Variants in AKAP12 observed in about 807,000 individuals in gnomAD.
The protein encoded by AKAP12 is A-kinase anchor protein 12.
A neutral mutation model predicts 79.9 loss-of-function variants in AKAP12; 32 were observed. The observed-to-expected ratio is 0.40, with a 90% CI of 0.30 to 0.54. The LOEUF is 0.54. Ranked by LOEUF, AKAP12 falls within the 20% of genes least tolerant of loss-of-function variation. The pLI, the probability that AKAP12 is intolerant of heterozygous loss-of-function variation, is 0.48. For missense variants in AKAP12, 2,074 were observed against 2,177.0 expected (o/e 0.95, Z 0.94); for synonymous variants, 808 against 857.0 (o/e 0.94, Z 1.00).
intron 2 of AKAP12, among the ~76,000 whole-genome samples, chr6:151,264,500 G>A (rs7768925): frequency 6.0e-5 from 9 of 150,740 alleles, no homozygotes; most frequent in Non-Finnish European, 1.0e-4. Context: ...GAGAAACCCC[G>A]TCTCTACTAA....
At chr6:151,268,553 CT>C (rs1312069975) in intron 2 of AKAP12, among the ~76,000 whole-genome samples, 3 of 152,196 alleles carry the variant, frequency 2.0e-5, no homozygotes, top group East Asian at 3.8e-4. Flanking sequence ...GAAGATAAGA[CT>C]TCTAACCAAA....
chr6:151,317,688 A>G (rs1777267036), intron 3 of AKAP12, among the ~76,000 whole-genome samples: 1 of 152,234 alleles, frequency 6.6e-6, no homozygotes, highest in African/African-American at 2.4e-5. Flanking sequence ...GACTGCTGGT[A>G]TAAGGGAATC....
chr6:151,276,674 G>A (rs1157755895), intron 2 of AKAP12, among the ~76,000 whole-genome samples: 1 of 152,236 alleles, frequency 6.6e-6, no homozygotes, highest in Non-Finnish European at 1.5e-5. Context: ...GTGGCTCCAG[G>A]AGCACAAAAC....
At chr6:151,276,705 A>G (rs1776296656) in intron 2 of AKAP12, among the ~76,000 whole-genome samples, 1 of 152,244 alleles carries the variant, frequency 6.6e-6, no homozygotes, top group East Asian at 1.9e-4. Context: ...CCAAGACTTG[A>G]AGAAACTTAT....
intron 3 of AKAP12, among the ~76,000 whole-genome samples, chr6:151,339,720 A>G (rs537985752): frequency 6.6e-6 from 1 of 152,136 alleles, no homozygotes; most frequent in Admixed American, 6.5e-5. Context: ...TGCCATAAAA[A>G]TCATCTGTGC....
At chr6:151,327,000 A>ATTT (rs1777546268) in intron 3 of AKAP12, among the ~76,000 whole-genome samples, 1 of 152,034 alleles carries the variant, frequency 6.6e-6, no homozygotes, top group Admixed American at 6.6e-5. Context: ...TATTTTTAGT[A>ATTT]GAGCCGGGGT....
chr6:151,298,363 G>A (rs2114745875), intron 2 of AKAP12, among the ~76,000 whole-genome samples: 1 of 152,228 alleles, frequency 6.6e-6, no homozygotes, highest in Admixed American at 6.5e-5. Context: ...CGCAGGCATG[G>A]AACAAGTAAT....
chr6:151,250,414 G>A (rs1318778284), intron 2 of AKAP12, among the ~76,000 whole-genome samples: 1 of 151,584 alleles, frequency 6.6e-6, no homozygotes, highest in Non-Finnish European at 1.5e-5. Context: ...CAGGAGAATC[G>A]CTTGAACACG....
chr6:151,319,371 G>A (rs1168432590), intron 3 of AKAP12, among the ~76,000 whole-genome samples: 1 of 151,344 alleles, frequency 6.6e-6, no homozygotes, highest in East Asian at 2.0e-4. Context: ...TTTAGATTCA[G>A]GGTGTGTATA....
intron 2 of AKAP12, among the ~76,000 whole-genome samples, chr6:151,302,691 AATTGAGGT>A (rs1445146985): frequency 6.6e-6 from 1 of 152,148 alleles, no homozygotes; most frequent in Non-Finnish European, 1.5e-5. Flanking sequence ...ATTGCATTGA[AATTGAGGT>A]ATTAAGATGG....
chr6:151,329,563 C>T (rs1582885551), intron 3 of AKAP12, among the ~76,000 whole-genome samples: 1 of 152,160 alleles, frequency 6.6e-6, no homozygotes, highest in Non-Finnish European at 1.5e-5. Context: ...AATCCTCCAA[C>T]GTTCATGTTA....
At chr6:151,342,869 T>A (rs907621973) in intron 3 of AKAP12, among the ~76,000 whole-genome samples, 1 of 152,076 alleles carries the variant, frequency 6.6e-6, no homozygotes, top group Non-Finnish European at 1.5e-5. Context: ...TTCAAGTGAT[T>A]CTCCTGCCTC....
intron 3 of AKAP12, among the ~76,000 whole-genome samples, chr6:151,337,279 TAGATC>T (rs1777838965): frequency 6.6e-6 from 1 of 151,326 alleles, no homozygotes; most frequent in African/African-American, 2.4e-5. Flanking sequence ...CCAAGGTGGG[TAGATC>T]ACCTGAGGTC....
chr6:151,347,783 T>TCC (rs1778139570), intron 3 of AKAP12, among the ~76,000 whole-genome samples: 2 of 152,198 alleles, frequency 1.3e-5, no homozygotes, highest in Non-Finnish European at 2.9e-5. Flanking sequence ...ACGCCTGTAA[T>TCC]CCCAGCACTT....
chr6:151,300,894 G>C (rs1776851321), intron 2 of AKAP12, among the ~76,000 whole-genome samples: 1 of 152,074 alleles, frequency 6.6e-6, no homozygotes, highest in Non-Finnish European at 1.5e-5. Context: ...AGGTTTTCTG[G>C]TGCTTACCAT....
intron 3 of AKAP12, among the ~76,000 whole-genome samples, chr6:151,343,768 A>G: frequency 6.6e-6 from 1 of 152,024 alleles, no homozygotes; most frequent in East Asian, 1.9e-4. Context: ...TGGGTGACAG[A>G]GCGAAGACTG....
At chr6:151,347,925 AC>A (rs1393404858) in intron 3 of AKAP12, among the ~76,000 whole-genome samples, 3 of 151,518 alleles carry the variant, frequency 2.0e-5, no homozygotes, top group Non-Finnish European at 4.4e-5. Flanking sequence ...TAATCCCAGC[AC>A]TTTGGGAGGC....
chr6:151,328,454 T>G (rs889934408), intron 3 of AKAP12, among the ~76,000 whole-genome samples: 4 of 151,432 alleles, frequency 2.6e-5, no homozygotes, highest in African/African-American at 9.7e-5. Context: ...CTGACCAACA[T>G]GGTGAAACCC....
At chr6:151,309,084 A>G (rs1000869537) in intron 3 of AKAP12, among the ~76,000 whole-genome samples, 3 of 152,166 alleles carry the variant, frequency 2.0e-5, no homozygotes, top group Admixed American at 2.0e-4. Context: ...CATGCTGGCC[A>G]GGCTGGTCTC....
Sources: allele counts gnomAD v4.1 joint callset (sites outside exome capture counted in the v4.1 genomes callset), GRCh38; gene constraint gnomAD v4.1.1; transcripts MANE v1.5; gene names NCBI Gene and HGNC (gene_info 2026-07-23, HGNC 2026-07-21).